MDGA2: variants seen among roughly 807,000 people sequenced by gnomAD.
The protein encoded by MDGA2 is MAM domain-containing glycosylphosphatidylinositol anchor protein 2.
Under a neutral mutation model 117.8 loss-of-function variants are expected in MDGA2, and 40 were observed. The ratio of observed to expected loss-of-function variants is 0.34; its 90% CI spans 0.26 to 0.44. MDGA2 has a LOEUF of 0.44. Ranked by LOEUF, MDGA2 falls within the 20% of genes least tolerant of loss-of-function variation. MDGA2 has a pLI of 1.00. For synonymous variants in MDGA2, 452 were observed against 439.0 expected, an observed-to-expected ratio of 1.03 and a Z score of -0.37; for missense variants, 1,123 against 1,250.6, an observed-to-expected ratio of 0.90 and a Z score of 1.54.
chr14:46,946,072 C>T (rs915864566), intron 9 of MDGA2, among the ~76,000 whole-genome samples: 64 of 152,092 alleles, frequency 4.2e-4, no homozygotes, highest in African/African-American at 1.5e-3. Context: ...CACAGATAAA[C>T]TGAGTCAAAA....
intron 5 of MDGA2, 37 bp downstream of exon 5, chr14:47,131,677 G>T: frequency 1.4e-6 from 2 of 1,436,352 alleles, no homozygotes; most frequent in Non-Finnish European, 1.9e-6. Context: ...ATTAGTTGTA[G>T]ATAAGATACA....
intron 5 of MDGA2, among the ~76,000 whole-genome samples, 195 bp from the exon 6 acceptor site, chr14:47,097,318 A>G (rs1880033582): frequency 6.6e-6 from 1 of 152,122 alleles, no homozygotes; most frequent in Non-Finnish European, 1.5e-5. Context: ...AAACATGTAG[A>G]ACTGTATTAA....
intron 2 of MDGA2, among the ~76,000 whole-genome samples, chr14:47,274,249 CA>C (rs1277987684): frequency 6.6e-6 from 1 of 152,108 alleles, no homozygotes; most frequent in Non-Finnish European, 1.5e-5. Flanking sequence ...TCCCCAACCC[CA>C]CCAGCCCTAA....
At chr14:47,597,320 T>C (rs1896561875) in intron 1 of MDGA2, among the ~76,000 whole-genome samples, 1 of 152,176 alleles carries the variant, frequency 6.6e-6, no homozygotes, top group Non-Finnish European at 1.5e-5. Context: ...AATGAATATT[T>C]TAATTAAAGA....
chr14:46,866,438 C>T (rs1031416213), intron 14 of MDGA2, among the ~76,000 whole-genome samples: 5 of 151,854 alleles, frequency 3.3e-5, no homozygotes, highest in African/African-American at 1.2e-4. Flanking sequence ...CCATAAAAAC[C>T]CTAGAAGAAA....
intron 8 of MDGA2, among the ~76,000 whole-genome samples, chr14:47,022,947 T>C (rs1888338687): frequency 6.6e-6 from 1 of 152,146 alleles, no homozygotes; most frequent in South Asian, 2.1e-4. Flanking sequence ...TTTATGCCTC[T>C]GCTGTGGAGT....
At chr14:47,012,477 A>G (rs1192773423) in intron 8 of MDGA2, among the ~76,000 whole-genome samples, 1 of 152,198 alleles carries the variant, frequency 6.6e-6, no homozygotes, top group South Asian at 2.1e-4. Flanking sequence ...TAGCTTTAAC[A>G]AACTTAATAA....
At chr14:46,863,394 T>C (rs1348458421) in intron 14 of MDGA2, among the ~76,000 whole-genome samples, 2 of 152,186 alleles carry the variant, frequency 1.3e-5, no homozygotes, top group African/African-American at 4.8e-5. Flanking sequence ...ATATTTGTCA[T>C]TTATTCTCTA....
intron 1 of MDGA2, among the ~76,000 whole-genome samples, chr14:47,335,734 T>A (rs71426421): frequency 0.063 from 2,808 of 44,336 alleles, 117 homozygotes; most frequent in South Asian, 0.12. Flanking sequence ...CACATATATT[T>A]TATATATATA....
intron 1 of MDGA2, among the ~76,000 whole-genome samples, chr14:47,383,044 G>A (rs895706055): frequency 8.5e-5 from 13 of 152,322 alleles, no homozygotes; most frequent in Admixed American, 2.0e-4. Context: ...ATGAGTTCAT[G>A]TCCTTTGTAG....
At chr14:46,864,475 C>T (rs924879301) in intron 14 of MDGA2, among the ~76,000 whole-genome samples, 12 of 149,038 alleles carry the variant, frequency 8.1e-5, no homozygotes, top group Admixed American at 2.0e-4. Context: ...ATGTACTAGA[C>T]TCCAAATTGA....
At chr14:47,312,693 G>GTTTTTTTTTTTTTTTTTTT (rs375332903) in intron 1 of MDGA2, among the ~76,000 whole-genome samples, 54 of 104,358 alleles carry the variant, frequency 5.2e-4, no homozygotes, top group Non-Finnish European at 6.5e-4. Context: ...TTTTTGTTTT[G>GTTTTTTTTTTTTTTTTTTT]TTTTGTTTTT....
At chr14:47,233,266 A>C (rs10148729) in intron 2 of MDGA2, among the ~76,000 whole-genome samples, 70,476 of 151,898 alleles carry the variant, frequency 0.46, 17,251 homozygotes, top group Admixed American at 0.62. Context: ...CAATCATTAG[A>C]CCTTATAACT....
At chr14:47,073,704 AT>A (rs1373371791) in intron 6 of MDGA2, among the ~76,000 whole-genome samples, 1 of 152,166 alleles carries the variant, frequency 6.6e-6, no homozygotes, top group African/African-American at 2.4e-5. Flanking sequence ...GTGCCTGAGA[AT>A]TCGGGGATAA....
intron 5 of MDGA2, among the ~76,000 whole-genome samples, chr14:47,107,480 T>A (rs1328011633): frequency 6.6e-6 from 1 of 152,114 alleles, no homozygotes; most frequent in Non-Finnish European, 1.5e-5. Flanking sequence ...TCCCAGGCTC[T>A]CTTCGCTTTC....
At chr14:47,618,799 T>C (rs1415226367) in intron 1 of MDGA2, among the ~76,000 whole-genome samples, 1 of 152,138 alleles carries the variant, frequency 6.6e-6, no homozygotes, top group Non-Finnish European at 1.5e-5. Context: ...TAACACAGCT[T>C]TGGATCCATG....
chr14:47,230,777 C>T (rs954170516), intron 2 of MDGA2, among the ~76,000 whole-genome samples: 5 of 151,884 alleles, frequency 3.3e-5, no homozygotes, highest in Admixed American at 2.6e-4. Context: ...ATAAGATATG[C>T]GAAACTAAAC....
intron 5 of MDGA2, among the ~76,000 whole-genome samples, chr14:47,126,643 A>G (rs1305676754): frequency 6.6e-6 from 1 of 152,156 alleles, no homozygotes; most frequent in Non-Finnish European, 1.5e-5. Context: ...GCAGTTCTAG[A>G]TAATTAATTT....
intron 1 of MDGA2, among the ~76,000 whole-genome samples, chr14:47,443,255 G>A (rs1893050608): frequency 6.6e-6 from 1 of 152,082 alleles, no homozygotes; most frequent in Admixed American, 6.6e-5. Flanking sequence ...TATGTCCAGA[G>A]TGCATGATAA....
Sources: gnomAD v4.1 joint callset for allele counts (sites outside exome capture counted in the v4.1 genomes callset) on GRCh38, gnomAD v4.1.1 for gene constraint, MANE v1.5 for transcripts, NCBI Gene and HGNC (gene_info 2026-07-23, HGNC 2026-07-21) for gene names.